Variants in NOL4 observed in about 807,000 individuals in gnomAD.
NOL4 encodes the protein cancer/testis antigen 125.
A neutral mutation model predicts 75.9 loss-of-function variants in NOL4; 17 were observed. The ratio of observed to expected loss-of-function variants is 0.22; its 90% CI spans 0.15 to 0.34. The LOEUF (loss-of-function observed/expected upper bound fraction) is 0.34. Ranked by LOEUF, NOL4 falls within the 10% of genes least tolerant of loss-of-function variation. NOL4 has a pLI of 1.00. For synonymous variants in NOL4, 292 were observed against 289.9 expected (o/e 1.01, Z -0.07); for missense variants, 614 against 793.5 (o/e 0.77, Z 2.72).
chr18:33,908,540 A>G (rs949973817), intron 9 of NOL4, among the ~76,000 whole-genome samples: 1 of 152,152 alleles, frequency 6.6e-6, no homozygotes, highest in Admixed American at 6.5e-5. Flanking sequence ...GAGTCATAAA[A>G]TTGTGATCTT....
chr18:34,022,940 G>A (rs2144516174), intron 5 of NOL4, among the ~76,000 whole-genome samples: 1 of 152,076 alleles, frequency 6.6e-6, no homozygotes, highest in Non-Finnish European at 1.5e-5. Flanking sequence ...GCTTTAATAA[G>A]TGCCTTGTTT....
At chr18:33,883,210 T>TAAA in intron 10 of NOL4, 34 bp downstream of exon 10, 4 of 1,366,050 alleles carry the variant, frequency 2.9e-6, no homozygotes, top group South Asian at 1.4e-5. Flanking sequence ...GTATAATAAT[T>TAAA]AAAAAAAAAA....
chr18:34,090,788 A>T (rs1301122274), intron 5 of NOL4, among the ~76,000 whole-genome samples: 1 of 152,190 alleles, frequency 6.6e-6, no homozygotes, highest in Non-Finnish European at 1.5e-5. Context: ...GGTGGCAAGG[A>T]TGAAAGCCTA....
At chr18:34,072,354 A>T (rs2077560224) in intron 5 of NOL4, among the ~76,000 whole-genome samples, 1 of 152,238 alleles carries the variant, frequency 6.6e-6, no homozygotes, top group African/African-American at 2.4e-5. Context: ...TGCACCAGAG[A>T]TATTCAGGGA....
At chr18:33,897,906 A>T (rs2065509863) in intron 9 of NOL4, among the ~76,000 whole-genome samples, 1 of 151,986 alleles carries the variant, frequency 6.6e-6, no homozygotes, top group South Asian at 2.1e-4. Flanking sequence ...TTATTTTAAA[A>T]AATCTCCTTT....
intron 5 of NOL4, among the ~76,000 whole-genome samples, chr18:34,035,210 T>G (rs1215232664): frequency 6.6e-6 from 1 of 152,186 alleles, no homozygotes; most frequent in East Asian, 1.9e-4. Context: ...CTACTATATG[T>G]TAGGCCACAA....
At chr18:34,017,620 CTCT>C (rs1213076483) in intron 6 of NOL4, among the ~76,000 whole-genome samples, 1 of 151,996 alleles carries the variant, frequency 6.6e-6, no homozygotes, top group Non-Finnish European at 1.5e-5. Context: ...AAAATAATAT[CTCT>C]TGATTCTTTT....
chr18:34,172,886 C>T (rs1015200615), intron 1 of NOL4, among the ~76,000 whole-genome samples: 5 of 151,992 alleles, frequency 3.3e-5, no homozygotes, highest in Admixed American at 6.6e-5. Context: ...TGTTGAGTAT[C>T]TTGCATTTTT....
chr18:34,182,927 T>C (rs1333475611), intron 1 of NOL4, among the ~76,000 whole-genome samples: 3 of 151,726 alleles, frequency 2.0e-5, no homozygotes, highest in African/African-American at 7.2e-5. Flanking sequence ...ATAGAGTAAA[T>C]TTAAAACATA....
intron 4 of NOL4, among the ~76,000 whole-genome samples, chr18:34,103,393 ACTAGAATC>A (rs1219317764): frequency 1.3e-5 from 2 of 152,032 alleles, no homozygotes; most frequent in African/African-American, 4.8e-5. Context: ...TGGCTAGCTA[ACTAGAATC>A]CTACAGAGTA....
intron 8 of NOL4, among the ~76,000 whole-genome samples, chr18:33,946,759 C>A (rs924214526): frequency 2.0e-5 from 3 of 151,624 alleles, no homozygotes; most frequent in African/African-American, 7.3e-5. Context: ...AATTTATGAT[C>A]TTCATTAAAA....
intron 6 of NOL4, among the ~76,000 whole-genome samples, chr18:33,959,541 T>C (rs1273962609): frequency 6.6e-6 from 1 of 152,112 alleles, no homozygotes; most frequent in Admixed American, 6.6e-5. Context: ...CTTCTTAGCA[T>C]ATTCTAGGTA....
At chr18:34,188,935 C>T (rs1822419200) in intron 1 of NOL4, among the ~76,000 whole-genome samples, 1 of 152,006 alleles carries the variant, frequency 6.6e-6, no homozygotes, top group African/African-American at 2.4e-5. Flanking sequence ...TAAAAATAGA[C>T]TCAGGAAGAT....
At chr18:34,005,638 C>T (rs148027861) in intron 6 of NOL4, among the ~76,000 whole-genome samples, 239 of 152,184 alleles carry the variant, frequency 1.6e-3, no homozygotes, top group African/African-American at 5.4e-3. Flanking sequence ...TGATCTCCAC[C>T]TTCTGTCTCT....
intron 5 of NOL4, among the ~76,000 whole-genome samples, chr18:34,052,254 T>G (rs1006673136): frequency 6.7e-6 from 1 of 149,064 alleles, no homozygotes; most frequent in Non-Finnish European, 1.5e-5. Context: ...TTAAAAAGCA[T>G]GTTATTCTAG....
At chr18:34,087,988 A>G (rs943822638) in intron 5 of NOL4, among the ~76,000 whole-genome samples, 11 of 151,988 alleles carry the variant, frequency 7.2e-5, no homozygotes, top group African/African-American at 2.6e-4. Context: ...TTTTATTCCT[A>G]TTATCTTTTT....
At chr18:33,927,769 A>G (rs1396399863) in intron 9 of NOL4, among the ~76,000 whole-genome samples, 1 of 152,210 alleles carries the variant, frequency 6.6e-6, no homozygotes, top group Admixed American at 6.5e-5. Flanking sequence ...GCTCTTTAGA[A>G]ATCCCAGTTA....
intron 9 of NOL4, among the ~76,000 whole-genome samples, chr18:33,910,264 G>A (rs1470339274): frequency 2.0e-5 from 3 of 152,068 alleles, no homozygotes; most frequent in Non-Finnish European, 2.9e-5. Context: ...TTTCCTGGGG[G>A]TATACCCACT....
intron 5 of NOL4, among the ~76,000 whole-genome samples, chr18:34,061,328 G>A (rs2145130428): frequency 6.6e-6 from 1 of 152,188 alleles, no homozygotes; most frequent in Non-Finnish European, 1.5e-5. Flanking sequence ...AAAATATAAT[G>A]AGGTGTTATT....
Sources: gnomAD v4.1 joint callset for allele counts (sites outside exome capture counted in the v4.1 genomes callset) on GRCh38, gnomAD v4.1.1 for gene constraint, MANE v1.5 for transcripts, NCBI Gene and HGNC (gene_info 2026-07-23, HGNC 2026-07-21) for gene names.